The following DGKI variants were observed in gnomAD, a reference collection of about 807,000 sequenced individuals.
DGKI encodes diacylglycerol kinase iota.
A neutral mutation model predicts 147.5 loss-of-function variants in DGKI; 55 were observed. The ratio of observed to expected loss-of-function variants is 0.37; its 90% CI spans 0.30 to 0.47. DGKI has a LOEUF of 0.47. DGKI is among the 20% of genes least tolerant of loss of function. The probability of loss-of-function intolerance (pLI) is 1.00; values close to 1 mark genes in which losing one functional copy is unlikely to be tolerated. For synonymous variants in DGKI, 469 were observed against 477.1 expected, an observed-to-expected ratio of 0.98 and a Z score of 0.22; for missense variants, 1,007 against 1,323.8, an observed-to-expected ratio of 0.76 and a Z score of 3.71.
At chr7:137,565,665 C>CT (rs1436246977) in intron 19 of DGKI, among the ~76,000 whole-genome samples, 1 of 152,122 alleles carries the variant, frequency 6.6e-6, no homozygotes, top group Non-Finnish European at 1.5e-5. Context: ...ATTCCTCTGA[C>CT]TGAATAATGC....
chr7:137,585,839 C>A (rs1045738307), intron 13 of DGKI, among the ~76,000 whole-genome samples: 1 of 152,182 alleles, frequency 6.6e-6, no homozygotes, highest in Non-Finnish European at 1.5e-5. Context: ...TGAAGCAAGT[C>A]TCACTGAGGA....
Position 137,691,019 on chromosome 7 carries a change from C to T in DGKI, c.402-1017G>A, listed in dbSNP as rs575578467. Among the ~76,000 whole-genome samples the T allele has an allele frequency of 2.2e-3, 338 of 152,280 alleles. 1 individual carries two copies. Among genetic ancestry groups the T allele is most frequent in the African/African-American group, 7.9e-3 (328 of 41,542 alleles). ...AGTCACTCCCTAGAAGGGAGAGGGGCTTTTCCCCTATAATAATATCTAAGT... is the reference window on the plus strand; with the variant it reads ...AGTCACTCCCTAGAAGGGAGAGGGGTTTTTCCCCTATAATAATATCTAAGT... On this transcript the variant is annotated intron_variant, in intron 1 of 32. Transcript: ENST00000614521.
intron 1 of DGKI, among the ~76,000 whole-genome samples, chr7:137,729,370 C>G (rs1160134091): frequency 6.6e-6 from 1 of 152,068 alleles, no homozygotes; most frequent in African/African-American, 2.4e-5. Flanking sequence ...CTCTAAGGCT[C>G]AGGTAGTCTT....
chr7:137,458,930 T>A (rs1814310768), intron 27 of DGKI, among the ~76,000 whole-genome samples: 2 of 152,176 alleles, frequency 1.3e-5, no homozygotes, highest in Admixed American at 1.3e-4. Context: ...CCAGCAGTAA[T>A]AATGTCAGTC....
chr7:137,618,511 C>T (rs984595901), intron 8 of DGKI, among the ~76,000 whole-genome samples: 8 of 151,154 alleles, frequency 5.3e-5, no homozygotes, highest in African/African-American at 1.5e-4. Context: ...GTAAGGATCA[C>T]GTATTTTATC....
At chr7:137,723,759 G>T (rs958264471) in intron 1 of DGKI, among the ~76,000 whole-genome samples, 25 of 137,926 alleles carry the variant, frequency 1.8e-4, no homozygotes, top group African/African-American at 7.2e-4. Context: ...ACCCAGGCTG[G>T]AGTACAATGG....
intron 8 of DGKI, among the ~76,000 whole-genome samples, chr7:137,618,151 A>ATATATATATATTTTTTTT: frequency 1.7e-3 from 18 of 10,450 alleles, no homozygotes; most frequent in African/African-American, 2.3e-3. Flanking sequence ...ATATATATAT[A>ATATATATATATTTTTTTT]TTTTTTTTTT....
intron 1 of DGKI, among the ~76,000 whole-genome samples, chr7:137,706,603 C>T (rs1238681952): frequency 2.1e-5 from 3 of 143,752 alleles, no homozygotes; most frequent in African/African-American, 5.2e-5. Flanking sequence ...GACACAGTCT[C>T]GCTGTGTAGC....
At chr7:137,802,732 C>T (rs910235616) in intron 1 of DGKI, among the ~76,000 whole-genome samples, 1 of 152,136 alleles carries the variant, frequency 6.6e-6, no homozygotes, top group Non-Finnish European at 1.5e-5. Flanking sequence ...CCTCTCCTAC[C>T]GGCCTCTCTC....
rs1585066933 is a variant in DGKI at position 137,389,403 on chromosome 7, T to C, written c.*1817A>G. ...ACTGAAAGGCTGTTCCTGTTTAATA[T>C]AGCACGTCATAGCCGCACTTTCAAA... On this transcript the variant is annotated 3_prime_UTR_variant, in exon 33 of 33. Coordinates refer to ENST00000614521, the MANE Select transcript of DGKI (RefSeq NM_001321708.2). 1.3e-5 allele frequency: 2 copies of C among 152,176 alleles called. No individual in the cohort carries two copies. Among genetic ancestry groups the C allele is most frequent in the Non-Finnish European group, 2.9e-5 (2 of 68,030 alleles). 9.4% of individuals were successfully genotyped at this position (152,176 alleles called of 1,614,324 possible).
intron 1 of DGKI, among the ~76,000 whole-genome samples, chr7:137,758,848 A>G (rs1266219549): frequency 1.3e-5 from 2 of 152,126 alleles, no homozygotes; most frequent in Non-Finnish European, 2.9e-5. Flanking sequence ...CTAAAGCACC[A>G]TTTGTTTGTA....
At chr7:137,633,586 T>A (rs1821210296) in intron 6 of DGKI, among the ~76,000 whole-genome samples, 1 of 152,184 alleles carries the variant, frequency 6.6e-6, no homozygotes, top group Admixed American at 6.5e-5. Context: ...GGTGGTGTAC[T>A]CCAACATATC....
chr7:137,796,884 CAG>C lies in DGKI; in HGVS notation c.401+49576_401+49577del, dbSNP rs373057613. On this transcript the variant is annotated intron_variant, in intron 1 of 32. Coordinates refer to ENST00000614521, the MANE Select transcript of DGKI (RefSeq NM_001321708.2). The stretch of plus-strand genomic sequence containing the variant: ...GAAGGAGAGAAAAGAAAGAAAGGGA[CAG>C]AGAGTGTATTTGACAAAATAAAGTC... Among the ~76,000 whole-genome samples the C allele has an allele frequency of 5.2e-4, 79 of 152,196 alleles. 1 individual carries two copies. The highest frequency in any genetic ancestry group is 1.9e-3 in the African/African-American group (77 of 41,538).
intron 6 of DGKI, among the ~76,000 whole-genome samples, chr7:137,637,176 A>G (rs1470031855): frequency 6.6e-6 from 1 of 152,170 alleles, no homozygotes; most frequent in Non-Finnish European, 1.5e-5. Flanking sequence ...CCCACAGTTC[A>G]ACACCTCCCT....
intron 20 of DGKI, among the ~76,000 whole-genome samples, chr7:137,532,157 A>G (rs1421769939): frequency 6.6e-6 from 1 of 152,198 alleles, no homozygotes; most frequent in Non-Finnish European, 1.5e-5. Flanking sequence ...GGGAAATCAC[A>G]TAACCCAATT....
chr7:137,452,873 C>T (rs1814028513), intron 27 of DGKI: 1 of 152,178 alleles, frequency 6.6e-6, no homozygotes, highest in African/African-American at 2.4e-5. Context: ...CCATCATGTG[C>T]TCACACCTTT....
chr7:137,801,307 T>C (rs750348810), intron 1 of DGKI, among the ~76,000 whole-genome samples: 1 of 152,180 alleles, frequency 6.6e-6, no homozygotes, highest in Non-Finnish European at 1.5e-5. Flanking sequence ...TCGGCTTTCC[T>C]GAATCTCATT....
chr7:137,513,299 C>T (rs1816639471), intron 21 of DGKI, among the ~76,000 whole-genome samples: 1 of 152,294 alleles, frequency 6.6e-6, no homozygotes, highest in East Asian at 1.9e-4. Context: ...CCTTCTATTG[C>T]TCACCAGGTT....
At position 137,388,571 on chromosome 7, in the gene DGKI, T is replaced by C. The variant is rs750561189; in HGVS notation, c.*2649A>G. 1 of 152,164 alleles carries C rather than the reference T, an allele frequency of 6.6e-6. No homozygotes were observed. Among genetic ancestry groups the C allele is most frequent in the African/African-American group, 2.4e-5 (1 of 41,442 alleles). The allele number at this position is 152,164 out of a possible 1,614,324, so 9.4% of individuals were successfully genotyped here. ...TTTCCTGATGTCCTAATAGTAGGGA[T>C]ACAATATACTTAAGCTGAGATGGAA... is the stretch of plus-strand genomic sequence containing the variant. On this transcript the variant is annotated 3_prime_UTR_variant, in exon 33 of 33. Coordinates refer to ENST00000614521, the MANE Select transcript of DGKI (RefSeq NM_001321708.2).
Sources: gnomAD v4.1 joint callset for allele counts (sites outside exome capture counted in the v4.1 genomes callset) on GRCh38, gnomAD v4.1.1 for gene constraint, MANE v1.5 for transcripts, NCBI Gene and HGNC (gene_info 2026-07-23, HGNC 2026-07-21) for gene names.